RFX4: variants seen among roughly 807,000 people sequenced by gnomAD.
The protein encoded by RFX4 is transcription factor RFX4.
Under a neutral mutation model 95.0 loss-of-function variants are expected in RFX4, and 10 were observed. That is an observed-to-expected ratio of 0.11 (90% CI 0.06 to 0.18). The LOEUF is 0.18. Among genes scored for constraint, RFX4 ranks in the 10% least tolerant of loss-of-function variants. The pLI, the probability that RFX4 is intolerant of heterozygous loss-of-function variation, is 1.00. For missense variants in RFX4, 640 were observed against 922.0 expected (o/e 0.69, Z 3.96); for synonymous variants, 321 against 340.7 (o/e 0.94, Z 0.64).
rs1240982976 is a variant in RFX4 at position 106,750,544 on chromosome 12, A to G, written c.1797-111A>G. ...GGGGGTGAAGGGGGGAAGAAAAGAA[A>G]AGAGAAAAAAGAAGAAAAAGGAAAA... On this transcript the variant is annotated intron_variant, in intron 16 of 17. Coordinates refer to ENST00000392842, the MANE Select transcript of RFX4 (RefSeq NM_213594.3). 34 of 1,135,548 alleles carry G rather than the reference A, an allele frequency of 3.0e-5. No individual in the cohort carries two copies. In the Admixed American group the frequency reaches 9.8e-4, roughly 33 times the overall value. The allele number at this position is 1,135,548 out of a possible 1,614,324, so 70.3% of individuals were successfully genotyped here.
At chr12:106,748,670 C>T (rs1021145307) in intron 16 of RFX4, among the ~76,000 whole-genome samples, 1 of 152,134 alleles carries the variant, frequency 6.6e-6, no homozygotes, top group African/African-American at 2.4e-5. Flanking sequence ...AGATCCTGAC[C>T]GGGCACAGTG....
chr12:106,716,792 T>G (rs1364895364), intron 11 of RFX4, among the ~76,000 whole-genome samples: 1 of 152,068 alleles, frequency 6.6e-6, no homozygotes, highest in Non-Finnish European at 1.5e-5. Context: ...CGGTCCCATT[T>G]AATCTCCACA....
intron 14 of RFX4, among the ~76,000 whole-genome samples, chr12:106,732,569 G>A (rs937269210): frequency 2.0e-5 from 3 of 152,056 alleles, no homozygotes; most frequent in South Asian, 2.1e-4. Flanking sequence ...GTGTGGTGGT[G>A]CACAACTGTA....
chr12:106,762,795 T>C lies in RFX4; in HGVS notation c.*1326T>C, dbSNP rs2043226665. ...TGGTTTCACACTCAAATAAAAAATATTGAAACGACCTGCTTTCTTTTGACT... is the reference window on the plus strand; with the variant it reads ...TGGTTTCACACTCAAATAAAAAATACTGAAACGACCTGCTTTCTTTTGACT... On this transcript the variant is annotated 3_prime_UTR_variant, in exon 18 of 18. Transcript: ENST00000392842. 1 of 139,608 alleles carries C rather than the reference T, an allele frequency of 7.2e-6. No homozygotes were observed. The highest frequency in any genetic ancestry group is 2.4e-4 in the South Asian group (1 of 4,248). The allele number at this position is 139,608 out of a possible 1,614,324, so 8.6% of individuals were successfully genotyped here.
intron 4 of RFX4, among the ~76,000 whole-genome samples, chr12:106,664,287 C>A (rs906450233): frequency 2.0e-5 from 3 of 151,804 alleles, no homozygotes; most frequent in Non-Finnish European, 1.5e-5. Flanking sequence ...TTTGGCAAAT[C>A]AAATCTTTCA....
intron 1 of RFX4, among the ~76,000 whole-genome samples, chr12:106,606,107 T>A (rs1302097185): frequency 6.6e-6 from 1 of 152,154 alleles, no homozygotes; most frequent in Admixed American, 6.5e-5. Flanking sequence ...GCCACGAAGT[T>A]TTCAGAGAAT....
intron 3 of RFX4, among the ~76,000 whole-genome samples, chr12:106,651,729 C>G (rs2040860448): frequency 6.6e-6 from 1 of 152,182 alleles, no homozygotes; most frequent in Admixed American, 6.5e-5. Context: ...AGTGAGGACT[C>G]TGGCCAACTT....
intron 1 of RFX4, among the ~76,000 whole-genome samples, chr12:106,588,213 A>G (rs544358554): frequency 6.6e-6 from 1 of 152,334 alleles, no homozygotes; most frequent in East Asian, 1.9e-4. Flanking sequence ...TTAAGAGTCA[A>G]TAACCATGAA....
At chr12:106,639,245 C>T in intron 2 of RFX4, 87 bp from the exon 3 acceptor site, 1 of 1,132,254 alleles carries the variant, frequency 8.8e-7, no homozygotes. Flanking sequence ...GAAACATAGT[C>T]TTTTGAAACT....
chr12:106,656,321 A>C (rs1367235655), intron 4 of RFX4, among the ~76,000 whole-genome samples: 1 of 152,220 alleles, frequency 6.6e-6, no homozygotes, highest in East Asian at 1.9e-4. Context: ...ACATGTGACT[A>C]GAAGCTACCA....
At chr12:106,673,631 C>T (rs1374183836) in intron 4 of RFX4, among the ~76,000 whole-genome samples, 3 of 152,168 alleles carry the variant, frequency 2.0e-5, no homozygotes, top group Non-Finnish European at 4.4e-5. Flanking sequence ...TGTGTCTCCC[C>T]TTGGATAAAG....
chr12:106,607,930 C>T (rs1037172334), intron 1 of RFX4, among the ~76,000 whole-genome samples: 3 of 152,096 alleles, frequency 2.0e-5, no homozygotes, highest in African/African-American at 4.8e-5. Flanking sequence ...CCATGGCTCA[C>T]GCTTGTAATC....
At chr12:106,673,397 C>T (rs1215365896) in intron 4 of RFX4, among the ~76,000 whole-genome samples, 2 of 152,170 alleles carry the variant, frequency 1.3e-5, no homozygotes, top group Non-Finnish European at 2.9e-5. Flanking sequence ...GGTGAAGTCC[C>T]AGGAGGCAAG....
intron 15 of RFX4, among the ~76,000 whole-genome samples, chr12:106,746,456 C>T (rs978458739): frequency 1.3e-5 from 2 of 151,658 alleles, no homozygotes; most frequent in Admixed American, 6.6e-5. Flanking sequence ...CCCTTGAGCC[C>T]GGGAGGTCAA....
At chr12:106,753,698 T>C (rs2043055650) in intron 17 of RFX4, among the ~76,000 whole-genome samples, 1 of 152,182 alleles carries the variant, frequency 6.6e-6, no homozygotes, top group South Asian at 2.1e-4. Context: ...ACCCAGGCGC[T>C]GTGACTCCTG....
At chr12:106,611,114 T>C (rs899917603) in intron 2 of RFX4, among the ~76,000 whole-genome samples, 3 of 152,206 alleles carry the variant, frequency 2.0e-5, no homozygotes, top group African/African-American at 2.4e-5. Flanking sequence ...CATTTGCATA[T>C]CTTCTTTGGA....
Position 106,720,748 on chromosome 12 carries a change from C to T in RFX4, c.1234-11C>T. 1 of 1,613,172 alleles carries T rather than the reference C, an allele frequency of 6.2e-7. No homozygotes were observed. ...AGTCGACCACTATTAAAGCCATTTA[C>T]TTTCTTGTAGGTGGCTGCCAAGAGA... On this transcript the variant is annotated splice_polypyrimidine_tract_variant and intron_variant, in intron 12 of 17. Coordinates refer to ENST00000392842, the MANE Select transcript of RFX4 (RefSeq NM_213594.3). This position sits in a 1 kb window ranked among gnomAD's most constrained non-coding sequence, Gnocchi z 4.2.
chr12:106,594,739 T>G (rs2039592956), intron 1 of RFX4, among the ~76,000 whole-genome samples: 2 of 151,256 alleles, frequency 1.3e-5, no homozygotes, highest in African/African-American at 4.9e-5. Flanking sequence ...ACGGAGGACC[T>G]ACACAAGGAT....
At chr12:106,747,312 C>A in intron 15 of RFX4, 125 bp from the exon 16 acceptor site, 1 of 1,013,490 alleles carries the variant, frequency 9.9e-7, no homozygotes, top group Non-Finnish European at 1.5e-6. Flanking sequence ...TCAGCAGAGT[C>A]AGAGATACAT....
Sources: gnomAD v4.1 joint callset for allele counts (sites outside exome capture counted in the v4.1 genomes callset) on GRCh38, gnomAD v4.1.1 for gene constraint, Gnocchi (gnomAD v3.1) non-coding constraint, MANE v1.5 for transcripts, NCBI Gene and HGNC (gene_info 2026-07-23, HGNC 2026-07-21) for gene names.